Variants in RSPRY1 observed in about 807,000 individuals in gnomAD.
RSPRY1 encodes ring finger and SPRY domain containing 1, also known as RING finger and SPRY domain-containing protein 1.
RSPRY1 carries 23 observed loss-of-function variants against 73.1 expected under a neutral mutation model. The observed-to-expected ratio is 0.31, with a 90% CI of 0.23 to 0.45. The LOEUF is 0.45. Among genes scored for constraint, RSPRY1 ranks in the 20% least tolerant of loss-of-function variants. RSPRY1 has a pLI of 1.00. For missense variants in RSPRY1, 448 were observed against 698.7 expected, an observed-to-expected ratio of 0.64 and a Z score of 4.05; for synonymous variants, 226 against 251.4, an observed-to-expected ratio of 0.90 and a Z score of 0.95.
At chr16:57,191,476 C>T (rs566513545) in intron 1 of RSPRY1, among the ~76,000 whole-genome samples, 2 of 152,238 alleles carry the variant, frequency 1.3e-5, no homozygotes, top group Admixed American at 6.5e-5. Flanking sequence ...AAACCTGGCA[C>T]CAATACAAGC....
At chr16:57,203,167 G>A (rs1374196585) in intron 1 of RSPRY1, among the ~76,000 whole-genome samples, 3 of 151,954 alleles carry the variant, frequency 2.0e-5, no homozygotes, top group African/African-American at 7.3e-5. Context: ...TGTGGTGGCA[G>A]CACCTGTAGT....
At chr16:57,212,291 A>G (rs1330453246) in intron 4 of RSPRY1, among the ~76,000 whole-genome samples, 1 of 152,224 alleles carries the variant, frequency 6.6e-6, no homozygotes, top group Non-Finnish European at 1.5e-5. Flanking sequence ...AGCCTGGGAA[A>G]CAGAGCAAGA....
At chr16:57,234,675 G>A (rs912950351) in intron 13 of RSPRY1, among the ~76,000 whole-genome samples, 1 of 152,248 alleles carries the variant, frequency 6.6e-6, no homozygotes, top group Non-Finnish European at 1.5e-5. Context: ...AACTTGAGGT[G>A]TTTGGACTTG....
At chr16:57,209,848 A>AT (rs1429107353) in intron 4 of RSPRY1, among the ~76,000 whole-genome samples, 6 of 146,276 alleles carry the variant, frequency 4.1e-5, no homozygotes, top group African/African-American at 1.5e-4. Context: ...CTAATTTTGT[A>AT]TTTTTTTTTA....
intron 14 of RSPRY1, among the ~76,000 whole-genome samples, chr16:57,237,599 A>T (rs2075318723): frequency 6.6e-6 from 1 of 152,252 alleles, no homozygotes; most frequent in African/African-American, 2.4e-5. Context: ...GGACTAAAAC[A>T]ATATAAAATA....
At chr16:57,230,239 T>C (rs1037789291) in intron 11 of RSPRY1, among the ~76,000 whole-genome samples, 1 of 151,258 alleles carries the variant, frequency 6.6e-6, no homozygotes, top group Admixed American at 6.6e-5. Flanking sequence ...TTCAAACTCC[T>C]GACCTCAGGT....
At chr16:57,212,837 AC>A in intron 4 of RSPRY1, 134 bp from the exon 5 acceptor site, 1 of 780,200 alleles carries the variant, frequency 1.3e-6, no homozygotes. Context: ...CTGGTGTCGA[AC>A]TCTTGACCTT....
chr16:57,197,578 A>T (rs1266568981), intron 1 of RSPRY1, among the ~76,000 whole-genome samples: 4 of 152,058 alleles, frequency 2.6e-5, no homozygotes, highest in African/African-American at 9.7e-5. Context: ...GACAAATTTT[A>T]TAGTTGACAT....
intron 11 of RSPRY1, among the ~76,000 whole-genome samples, chr16:57,228,022 A>C (rs1375096180): frequency 1.3e-5 from 2 of 152,196 alleles, no homozygotes; most frequent in East Asian, 3.8e-4. Context: ...GCATGCTAAG[A>C]AAGCAGAAAT....
chr16:57,190,012 A>G (rs551108350), intron 1 of RSPRY1, among the ~76,000 whole-genome samples: 2 of 152,262 alleles, frequency 1.3e-5, no homozygotes, highest in African/African-American at 2.4e-5. Context: ...TTCACACTCT[A>G]TATAGTTTGG....
At chr16:57,216,873 G>A (rs1441746855) in intron 7 of RSPRY1, 31 bp from the exon 8 acceptor site, 1 of 1,602,502 alleles carries the variant, frequency 6.2e-7, no homozygotes, top group African/African-American at 1.3e-5. Flanking sequence ...CCCTTTCATT[G>A]TTAATTCAAG....
intron 5 of RSPRY1, among the ~76,000 whole-genome samples, chr16:57,213,375 A>C (rs996231875): frequency 6.6e-6 from 1 of 152,236 alleles, no homozygotes; most frequent in Non-Finnish European, 1.5e-5. Context: ...AAGGGAGAAA[A>C]GCTAAATTCA....
At chr16:57,226,013 G>A (rs2075115474) in intron 10 of RSPRY1, among the ~76,000 whole-genome samples, 2 of 152,152 alleles carry the variant, frequency 1.3e-5, no homozygotes, top group African/African-American at 4.8e-5. Flanking sequence ...GGGAGGCAGA[G>A]GTTGTGGTGA....
intron 13 of RSPRY1, among the ~76,000 whole-genome samples, chr16:57,232,286 G>A (rs1399753043): frequency 6.6e-6 from 1 of 152,210 alleles, no homozygotes; most frequent in Non-Finnish European, 1.5e-5. Context: ...CACTGTCTCA[G>A]TGGTTCAATA....
intron 1 of RSPRY1, among the ~76,000 whole-genome samples, chr16:57,196,896 C>A (rs1482967640): frequency 1.3e-5 from 2 of 152,120 alleles, no homozygotes; most frequent in African/African-American, 4.8e-5. Context: ...TTCATTTAAT[C>A]CCCACAGTGG....
At chr16:57,208,400 AT>A (rs1455912780) in intron 3 of RSPRY1, among the ~76,000 whole-genome samples, 117 of 50,114 alleles carry the variant, frequency 2.3e-3, no homozygotes, top group East Asian at 6.5e-3. Context: ...ATATATATAT[AT>A]TTTTTTTTTT....
intron 9 of RSPRY1, 42 bp downstream of exon 9, chr16:57,220,889 G>T: frequency 7.3e-7 from 1 of 1,370,784 alleles, no homozygotes; most frequent in East Asian, 2.3e-5. Flanking sequence ...GGGGATGAGA[G>T]GGTAATTATT....
intron 1 of RSPRY1, among the ~76,000 whole-genome samples, chr16:57,202,243 C>CG (rs2074632214): frequency 7.2e-6 from 1 of 138,110 alleles, no homozygotes; most frequent in Non-Finnish European, 1.6e-5. Flanking sequence ...GGGTGGGTGG[C>CG]GGGGGTCCTT....
At chr16:57,234,593 G>GT (rs2075274399) in intron 13 of RSPRY1, among the ~76,000 whole-genome samples, 1 of 152,200 alleles carries the variant, frequency 6.6e-6, no homozygotes, top group Admixed American at 6.5e-5. Flanking sequence ...TATTAGGGCT[G>GT]TACCTTCAGC....
Sources: gnomAD v4.1 joint callset for allele counts (sites outside exome capture counted in the v4.1 genomes callset) on GRCh38, gnomAD v4.1.1 for gene constraint, MANE v1.5 for transcripts, NCBI Gene and HGNC (gene_info 2026-07-23, HGNC 2026-07-21) for gene names.